IL17D: variants seen among roughly 807,000 people sequenced by gnomAD.
IL17D encodes the protein interleukin-17D.
A neutral mutation model predicts 5.7 loss-of-function variants in IL17D; 10 were observed. The observed-to-expected ratio is 1.75, with a 90% CI of 1.08 to 2.97. The LOEUF is 2.97. Among genes scored for constraint, IL17D ranks in the 30% most tolerant of loss-of-function variants. The probability of loss-of-function intolerance (pLI) is 0.00; values close to 1 mark genes in which losing one functional copy is unlikely to be tolerated. For missense variants in IL17D, 354 were observed against 292.7 expected, an observed-to-expected ratio of 1.21 and a Z score of -1.53; for synonymous variants, 172 against 141.7, an observed-to-expected ratio of 1.21 and a Z score of -1.52.
At chr13:20,714,873 T>G (rs2058666540) in intron 1 of IL17D, among the ~76,000 whole-genome samples, 1 of 152,106 alleles carries the variant, frequency 6.6e-6, no homozygotes, top group Non-Finnish European at 1.5e-5. Context: ...GGAAGGAGGG[T>G]GGAGCTGATG....
intron 1 of IL17D, among the ~76,000 whole-genome samples, chr13:20,720,888 C>T (rs1443646503): frequency 2.1e-5 from 3 of 145,530 alleles, no homozygotes; most frequent in Non-Finnish European, 3.1e-5. Flanking sequence ...CCCCCCCCCT[C>T]CCCCGGCAGA....
Position 20,721,687 on chromosome 13 carries a change from C to A in IL17D, c.342C>A (p.Cys114Ter). 6.2e-7 allele frequency: 1 copy of A among 1,610,958 alleles called. No individual in the cohort carries two copies. Among genetic ancestry groups the A allele is most frequent in the Non-Finnish European group, 8.5e-7 (1 of 1,178,956 alleles). The stretch of plus-strand genomic sequence containing the variant: ...CCAGGTACCTGCCTGAAGCCTACTG[C>A]CTGTGCCGGGGCTGCCTGACCGGGC... ...RYPRYLPEAY[C>*]LCRGCLTGLF... The change falls in exon 2 of 2, where the codon TGC becomes TGA. Residue 114 changes from cysteine to a stop codon, truncating the protein, a stop_gained. Coordinates refer to ENST00000682841, the MANE Select transcript of IL17D (RefSeq NM_001385224.1). LOFTEE classifies it low-confidence loss of function (END_TRUNC).
chr13:20,707,318 T>C (rs1290529662), intron 1 of IL17D, among the ~76,000 whole-genome samples: 2 of 151,116 alleles, frequency 1.3e-5, no homozygotes, highest in Non-Finnish European at 2.9e-5. Flanking sequence ...AACAGCCAGG[T>C]GTGGTCATGT....
At chr13:20,715,526 C>CT (rs972629673) in intron 1 of IL17D, among the ~76,000 whole-genome samples, 10 of 152,120 alleles carry the variant, frequency 6.6e-5, no homozygotes, top group Non-Finnish European at 1.2e-4. Flanking sequence ...AGGGATAGCG[C>CT]TTACGTTGTT....
chr13:20,704,232 C>G lies in IL17D; in HGVS notation c.231C>G (p.Pro77=), dbSNP rs1490610147. 7.6e-7 allele frequency: 1 copy of G among 1,321,908 alleles called. No individual in the cohort carries two copies. The highest frequency in any genetic ancestry group is 9.6e-7 in the Non-Finnish European group (1 of 1,036,946). The allele number at this position is 1,321,908 out of a possible 1,614,324, so 81.9% of individuals were successfully genotyped here. A position where few individuals can be genotyped will look rare whatever the true frequency, so the allele number is the denominator to read the frequency against. ...RNASCPAGGR[P]ADRRFRPPTN... is the part of the protein sequence containing the mutation. ...CGAGCTGCCCGGCAGGGGGCAGGCC[C>G]GCCGACCGCCGCTTCCGGCCGCCCA... is the stretch of plus-strand genomic sequence containing the variant. The change falls in exon 1 of 2, where the codon CCC becomes CCG. Residue 77 remains proline, a synonymous_variant. Coordinates refer to ENST00000682841, the MANE Select transcript of IL17D (RefSeq NM_001385224.1).
chr13:20,704,318 GC>G, intron 1 of IL17D, 27 bp downstream of exon 1: 1 of 917,032 alleles, frequency 1.1e-6, no homozygotes. Context: ...TCCTGGCGGG[GC>G]CCGGCAGGTG....
intron 1 of IL17D, among the ~76,000 whole-genome samples, chr13:20,719,522 AATTTCTGT>A (rs1327656321): frequency 7.2e-5 from 11 of 152,228 alleles, no homozygotes; most frequent in Admixed American, 2.6e-4. Flanking sequence ...TTCACGGTCA[AATTTCTGT>A]ATTGTCCCAT....
intron 1 of IL17D, chr13:20,713,728 A>C (rs1397176410): frequency 6.6e-6 from 1 of 152,220 alleles, no homozygotes; most frequent in African/African-American, 2.4e-5. Flanking sequence ...AAATTCAGGA[A>C]GTTCCCCACA....
chr13:20,721,495 C>CG (rs1566522383), intron 1 of IL17D, 141 bp from the exon 2 acceptor site: 2 of 633,550 alleles, frequency 3.2e-6, no homozygotes, highest in African/African-American at 1.9e-5. Flanking sequence ...CTGTTGTCGG[C>CG]GGGGGGCCTC....
intron 1 of IL17D, among the ~76,000 whole-genome samples, chr13:20,720,508 T>C (rs1227272969): frequency 6.6e-6 from 1 of 152,134 alleles, no homozygotes; most frequent in Non-Finnish European, 1.5e-5. Context: ...ATTGTGCTTT[T>C]TTGTTTTTGC....
chr13:20,720,660 C>T (rs980769122), intron 1 of IL17D, among the ~76,000 whole-genome samples: 3 of 152,226 alleles, frequency 2.0e-5, no homozygotes, highest in Non-Finnish European at 4.4e-5. Flanking sequence ...CATCCTCTGG[C>T]CACCCCGACT....
chr13:20,702,568 C>A (rs1333586299), upstream of IL17D: 1 of 152,218 alleles, frequency 6.6e-6, no homozygotes, highest in African/African-American at 2.4e-5. Flanking sequence ...AATGAACAAA[C>A]GAGCACGTTG....
intron 1 of IL17D, among the ~76,000 whole-genome samples, chr13:20,719,157 A>G (rs1348697732): frequency 7.4e-6 from 1 of 134,448 alleles, no homozygotes; most frequent in Non-Finnish European, 1.6e-5. Context: ...ACTTACGCAC[A>G]CCTGCCCATC....
chr13:20,703,392 C>T (rs1291580190), upstream of IL17D: 3 of 985,906 alleles, frequency 3.0e-6, no homozygotes, highest in East Asian at 1.1e-4. Context: ...GCTCTGTGTC[C>T]GTGAGGCCGG....
chr13:20,721,606 C>A, intron 1 of IL17D, 30 bp from the exon 2 acceptor site: 3 of 1,550,874 alleles, frequency 1.9e-6, no homozygotes, highest in Non-Finnish European at 2.6e-6. Context: ...TGCCCCCAGG[C>A]GTGACCTCAC....
chr13:20,702,880 A>T (rs2058555953), upstream of IL17D: 1 of 152,248 alleles, frequency 6.6e-6, no homozygotes, highest in African/African-American at 2.4e-5. Flanking sequence ...AAAAACCTCT[A>T]ATTTCCTCGA....
chr13:20,702,322 A>G (rs2058552266), upstream of IL17D: 2 of 152,258 alleles, frequency 1.3e-5, no homozygotes, highest in Non-Finnish European at 1.5e-5. Context: ...AGAACATTCA[A>G]TGCATAGGAA....
At chr13:20,721,451 C>G (rs919039682) in intron 1 of IL17D, among the ~76,000 whole-genome samples, 185 bp from the exon 2 acceptor site, 5 of 152,206 alleles carry the variant, frequency 3.3e-5, no homozygotes, top group Non-Finnish European at 7.4e-5. Context: ...CTAGATGTGC[C>G]GTCATTTCAA....
upstream of IL17D, chr13:20,702,885 C>T (rs1594993679): frequency 6.6e-6 from 1 of 152,230 alleles, no homozygotes; most frequent in Non-Finnish European, 1.5e-5. Flanking sequence ...CCTCTAATTT[C>T]CTCGAAGTAC....
Sources: gnomAD v4.1 joint callset for allele counts (sites outside exome capture counted in the v4.1 genomes callset) on GRCh38, gnomAD v4.1.1 for gene constraint, MANE v1.5 for transcripts, NCBI Gene and HGNC (gene_info 2026-07-23, HGNC 2026-07-21) for gene names.